Variants in FRMD3 observed in about 807,000 individuals in gnomAD.
FRMD3 encodes FERM domain containing 3.
Under a neutral mutation model 70.2 loss-of-function variants are expected in FRMD3, and 33 were observed. The ratio of observed to expected loss-of-function variants is 0.47; its 90% CI spans 0.36 to 0.63. FRMD3 has a LOEUF of 0.63. FRMD3 is among the 20% of genes least tolerant of loss of function. FRMD3 has a pLI of 0.00. For synonymous variants in FRMD3, 279 were observed against 255.9 expected, an observed-to-expected ratio of 1.09 and a Z score of -0.86; for missense variants, 632 against 711.4, an observed-to-expected ratio of 0.89 and a Z score of 1.27.
chr9:83,286,935 C>T (rs1834240357), intron 13 of FRMD3, among the ~76,000 whole-genome samples: 1 of 152,196 alleles, frequency 6.6e-6, no homozygotes, highest in Non-Finnish European at 1.5e-5. Context: ...TCTATAGTCT[C>T]ATCTTTAACA....
At chr9:83,380,334 C>T (rs1375382491) in intron 2 of FRMD3, among the ~76,000 whole-genome samples, 1 of 152,112 alleles carries the variant, frequency 6.6e-6, no homozygotes, top group African/African-American at 2.4e-5. Flanking sequence ...ATTCCTAACC[C>T]TATGTTTTGG....
At chr9:83,301,119 C>A (rs1372191645) in intron 10 of FRMD3, among the ~76,000 whole-genome samples, 1 of 152,186 alleles carries the variant, frequency 6.6e-6, no homozygotes, top group African/African-American at 2.4e-5. Context: ...TGAGGACACA[C>A]AGAGGCACGT....
chr9:83,400,102 C>A (rs1302967778), intron 1 of FRMD3, among the ~76,000 whole-genome samples: 1 of 151,688 alleles, frequency 6.6e-6, no homozygotes, highest in Non-Finnish European at 1.5e-5. Flanking sequence ...TCTTTGTCTG[C>A]AGATGACATC....
chr9:83,331,167 C>G (rs1041969747), intron 6 of FRMD3, among the ~76,000 whole-genome samples: 1 of 152,180 alleles, frequency 6.6e-6, no homozygotes, highest in African/African-American at 2.4e-5. Context: ...TTTATAGCAG[C>G]CTTATTCATA....
At chr9:83,416,761 C>A (rs1037835920) in intron 1 of FRMD3, among the ~76,000 whole-genome samples, 20 of 113,776 alleles carry the variant, frequency 1.8e-4, no homozygotes, top group African/African-American at 3.5e-4. Context: ...CTCTCTCTCT[C>A]TCTCTCTCTC....
chr9:83,357,333 A>G, intron 3 of FRMD3, among the ~76,000 whole-genome samples: 1 of 138,452 alleles, frequency 7.2e-6, no homozygotes, highest in African/African-American at 2.7e-5. Context: ...ACTGATGGGC[A>G]TTTGGGCTGG....
chr9:83,282,156 A>C (rs1262944530), intron 13 of FRMD3, among the ~76,000 whole-genome samples: 1 of 152,116 alleles, frequency 6.6e-6, no homozygotes, highest in Non-Finnish European at 1.5e-5. Context: ...CATTGGGCAA[A>C]TTTTCTCATC....
At chr9:83,291,098 G>A (rs1834402566) in intron 12 of FRMD3, among the ~76,000 whole-genome samples, 1 of 152,160 alleles carries the variant, frequency 6.6e-6, no homozygotes, top group Non-Finnish European at 1.5e-5. Flanking sequence ...GAAGGGCATG[G>A]CTCAGAGAAA....
chr9:83,538,001 T>C lies in FRMD3; in HGVS notation c.147+84A>G, dbSNP rs1829936667. 1 of 1,484,172 alleles carries C rather than the reference T, an allele frequency of 6.7e-7. No homozygotes were observed. The highest frequency in any genetic ancestry group is 1.4e-5 in the African/African-American group (1 of 72,246). 91.9% of individuals were successfully genotyped at this position (1,484,172 alleles called of 1,614,324 possible). On this transcript the variant is annotated intron_variant, in intron 1 of 13. Coordinates refer to ENST00000304195, the MANE Select transcript of FRMD3 (RefSeq NM_174938.6). This position sits in a 1 kb window ranked among gnomAD's most constrained non-coding sequence, Gnocchi z 4.7. ...CCCCCAATCCCCTCCGGGAGTGGGT[T>C]CCTTGTTCTCGCATGCCCACCGCAA...
rs556576959 is a variant in FRMD3 at position 83,308,163 on chromosome 9, G to C, written c.926+1373C>G. On this transcript the variant is annotated intron_variant, in intron 10 of 13. Coordinates refer to ENST00000304195, the MANE Select transcript of FRMD3 (RefSeq NM_174938.6). ...GGGCTGATGGGTTTCCTGGGACATG[G>C]GGATGTCAGTGCTAAACTTAGGAAA... 4.6e-5 allele frequency among the ~76,000 whole-genome samples: 7 copies of C among 152,236 alleles called. No individual in the cohort carries two copies. In the East Asian group the frequency reaches 1.2e-3, roughly 25 times the overall value.
At chr9:83,296,484 G>A (rs368979766) in intron 12 of FRMD3, among the ~76,000 whole-genome samples, 5 of 152,302 alleles carry the variant, frequency 3.3e-5, no homozygotes, top group African/African-American at 1.2e-4. Context: ...GATAGACACG[G>A]TCCTTTCCTC....
At chr9:83,271,289 A>G (rs189324628) in intron 13 of FRMD3, among the ~76,000 whole-genome samples, 1 of 152,374 alleles carries the variant, frequency 6.6e-6, no homozygotes, top group Non-Finnish European at 1.5e-5. Flanking sequence ...AAGATAATAA[A>G]TTATTATTAC....
At chr9:83,431,284 T>C (rs1007725048) in intron 1 of FRMD3, among the ~76,000 whole-genome samples, 1 of 152,234 alleles carries the variant, frequency 6.6e-6, no homozygotes, top group Non-Finnish European at 1.5e-5. Flanking sequence ...TTTTGCACAA[T>C]GAAACTAGCA....
chr9:83,470,586 C>T (rs1284737851), intron 1 of FRMD3, among the ~76,000 whole-genome samples: 1 of 152,216 alleles, frequency 6.6e-6, no homozygotes, highest in East Asian at 1.9e-4. Flanking sequence ...AATCCCCTTG[C>T]CTTGTGATAG....
At chr9:83,544,675 C>G in the FRMD3 span, among the ~76,000 whole-genome samples, 1 of 152,192 alleles carries the variant, frequency 6.6e-6, no homozygotes, top group African/African-American at 2.4e-5. Context: ...CTGAAGACTT[C>G]TATCTCCGTC....
chr9:83,474,853 G>A (rs1182427784), intron 1 of FRMD3, among the ~76,000 whole-genome samples: 1 of 151,914 alleles, frequency 6.6e-6, no homozygotes, highest in Admixed American at 6.6e-5. Context: ...CTAGAGGGAT[G>A]ATAAACTAAG....
At position 83,325,914 on chromosome 9, in the gene FRMD3, A is replaced by G. The variant is rs12000545; in HGVS notation, c.596+9602T>C. 8.6e-4 allele frequency among the ~76,000 whole-genome samples: 131 copies of G among 152,344 alleles called. 1 individual carries two copies. The highest frequency in any genetic ancestry group is 3.0e-3 in the African/African-American group (123 of 41,590). On this transcript the variant is annotated intron_variant, in intron 6 of 13. Coordinates refer to ENST00000304195, the MANE Select transcript of FRMD3 (RefSeq NM_174938.6). ...ACATGACATTCAAATTTCAGTGTCT[A>G]TAAATAAAGTTTTATTGGAACATCA...
chr9:83,288,253 T>C (rs897128046), intron 13 of FRMD3, among the ~76,000 whole-genome samples: 2 of 152,168 alleles, frequency 1.3e-5, no homozygotes, highest in Non-Finnish European at 2.9e-5. Context: ...CTGAATCCCA[T>C]TGCTTGACAT....
chr9:83,269,258 T>C (rs544344863), intron 13 of FRMD3, among the ~76,000 whole-genome samples: 1 of 152,198 alleles, frequency 6.6e-6, no homozygotes, highest in African/African-American at 2.4e-5. Context: ...TAAAACAACA[T>C]ATGACCTGAC....
Sources: allele counts gnomAD v4.1 joint callset (sites outside exome capture counted in the v4.1 genomes callset), GRCh38; gene constraint gnomAD v4.1.1; non-coding constraint Gnocchi (gnomAD v3.1); transcripts MANE v1.5; gene names NCBI Gene and HGNC (gene_info 2026-07-23, HGNC 2026-07-21).